SOX30: variants seen among roughly 807,000 people sequenced by gnomAD.
SOX30 encodes transcription factor SOX-30.
A neutral mutation model predicts 58.6 loss-of-function variants in SOX30; 17 were observed. The observed-to-expected ratio is 0.29, with a 90% confidence interval of 0.20 to 0.44. The LOEUF is 0.44. Among genes scored for constraint, SOX30 ranks in the 20% least tolerant of loss-of-function variants. The pLI is 1.00. For synonymous variants in SOX30, 421 were observed against 400.2 expected, an observed-to-expected ratio of 1.05 and a Z score of -0.62; for missense variants, 951 against 965.8, an observed-to-expected ratio of 0.98 and a Z score of 0.20.
intron 4 of SOX30, among the ~76,000 whole-genome samples, chr5:157,630,511 A>C (rs1410884175): frequency 1.3e-5 from 2 of 152,168 alleles, no homozygotes; most frequent in Non-Finnish European, 2.9e-5. Context: ...ATTTTTGTAA[A>C]GACCGTATTC....
chr5:157,661,844 G>T (rs752921403), intron 2 of SOX30, among the ~76,000 whole-genome samples: 1 of 151,856 alleles, frequency 6.6e-6, no homozygotes, highest in Admixed American at 6.6e-5. Context: ...TGATATCTTT[G>T]TCTGTGGCTT....
chr5:157,643,947 T>C (rs532061630), intron 3 of SOX30, among the ~76,000 whole-genome samples: 98 of 152,292 alleles, frequency 6.4e-4, no homozygotes, highest in African/African-American at 2.2e-3. Context: ...TACAGTGAAA[T>C]TTCCAAATTT....
intron 3 of SOX30, among the ~76,000 whole-genome samples, chr5:157,646,031 A>AC (rs1253039139): frequency 6.6e-6 from 1 of 151,718 alleles, no homozygotes; most frequent in African/African-American, 2.4e-5. Flanking sequence ...AAAAAAAAAA[A>AC]ACTGTTCTGG....
At chr5:157,650,295 G>A (rs1209992267) in intron 1 of SOX30, among the ~76,000 whole-genome samples, 1 of 151,778 alleles carries the variant, frequency 6.6e-6, no homozygotes, top group African/African-American at 2.4e-5. Flanking sequence ...GCAACAGGGT[G>A]GAGTGGAGAG....
intron 4 of SOX30, among the ~76,000 whole-genome samples, chr5:157,634,051 T>C (rs1758869334): frequency 6.6e-6 from 1 of 152,140 alleles, no homozygotes; most frequent in Non-Finnish European, 1.5e-5. Flanking sequence ...AATATGATGA[T>C]GGTTAAGATC....
chr5:157,656,488 G>A (rs1759474422), upstream of SOX30, among the ~76,000 whole-genome samples: 1 of 152,120 alleles, frequency 6.6e-6, no homozygotes, highest in Admixed American at 6.6e-5. Flanking sequence ...TAAGGCCTGG[G>A]GACATGTGAT....
chr5:157,664,082 G>T (rs1165722879), intron 2 of SOX30, among the ~76,000 whole-genome samples: 1 of 102,062 alleles, frequency 9.8e-6, no homozygotes, highest in Non-Finnish European at 1.8e-5. Flanking sequence ...TTTCTTCACA[G>T]AATTGGAAAA....
chr5:157,631,057 A>AG (rs1289447360), intron 4 of SOX30, among the ~76,000 whole-genome samples: 1 of 48,560 alleles, frequency 2.1e-5, no homozygotes, highest in Non-Finnish European at 4.1e-5. Context: ...TTATATATAT[A>AG]TATATATATA....
chr5:157,661,841 T>C (rs1235267543), intron 2 of SOX30, among the ~76,000 whole-genome samples: 1 of 152,188 alleles, frequency 6.6e-6, no homozygotes, highest in Non-Finnish European at 1.5e-5. Flanking sequence ...TTGTGATATC[T>C]TTGTCTGTGG....
At position 157,651,940 on chromosome 5, in the gene SOX30, C is replaced by A; in HGVS notation, c.139G>T (p.Ala47Ser). The A allele has an allele frequency of 6.7e-7, 1 of 1,493,272 alleles. No homozygotes were observed. The highest frequency in any genetic ancestry group is 8.9e-7 in the Non-Finnish European group (1 of 1,126,100). 92.5% of individuals were successfully genotyped at this position (1,493,272 alleles called of 1,614,324 possible). Residue 47 changes from alanine (A) to serine (S), a missense_variant, in exon 1 of 5, where the codon GCC (alanine) becomes TCC (serine). Ala to Ser is a moderately conservative substitution (Grantham distance 99). Transcript: ENST00000265007. The stretch of plus-strand genomic sequence containing the variant: ...CACGACGAGGCCAAGGTCGCACTGG[C>A]TGCCGCGCTCAGTGTGGGAGACGAC... ...PPSSPTLSAA[A>S]SATLASSCGE...
At chr5:157,636,110 C>G (rs1329675993) in intron 4 of SOX30, among the ~76,000 whole-genome samples, 2 of 152,078 alleles carry the variant, frequency 1.3e-5, no homozygotes, top group Non-Finnish European at 2.9e-5. Flanking sequence ...TCTCAAAACA[C>G]TAAAAAGAAG....
chr5:157,646,432 T>C (rs967086610), intron 3 of SOX30, among the ~76,000 whole-genome samples: 4 of 152,208 alleles, frequency 2.6e-5, no homozygotes, highest in African/African-American at 9.6e-5. Flanking sequence ...TACACATGGA[T>C]TATTTGCTAC....
intron 1 of SOX30, among the ~76,000 whole-genome samples, chr5:157,668,311 C>A (rs1183047327): frequency 1.3e-5 from 2 of 152,174 alleles, no homozygotes; most frequent in South Asian, 4.1e-4. Flanking sequence ...CAGGCAGGGG[C>A]AGTGATTTCA....
chr5:157,666,916 G>A (rs1759686557), intron 2 of SOX30, among the ~76,000 whole-genome samples: 2 of 151,994 alleles, frequency 1.3e-5, no homozygotes, highest in Non-Finnish European at 1.5e-5. Context: ...ATGTTGGCCA[G>A]GCTGGTCTCC....
At chr5:157,628,365 T>TCACACA (rs70984476) in intron 4 of SOX30, among the ~76,000 whole-genome samples, 5,102 of 139,638 alleles carry the variant, frequency 0.037, 103 homozygotes, top group Non-Finnish European at 0.048. Flanking sequence ...TTTCTGGCCT[T>TCACACA]CACACACACA....
In SOX30 at chr5:157,651,744, G is replaced by T. The variant is rs780031629; in HGVS notation, c.335C>A (p.Pro112Gln). 3.8e-6 allele frequency: 6 copies of T among 1,558,684 alleles called. No homozygotes were observed. The highest frequency in any genetic ancestry group is 5.2e-6 in the Non-Finnish European group (6 of 1,154,912). Reference sequence around the variant, plus strand: ...GGTGGCGCCGTCTGACGCTGTCGGCGGCTGCAGGAGCCGCAGGTCGGGCCT... The same window carrying T: ...GGTGGCGCCGTCTGACGCTGTCGGCTGCTGCAGGAGCCGCAGGTCGGGCCT... Reference protein sequence around the residue: ...QFRPDLRLLQPPTASDGATSR... With the variant: ...QFRPDLRLLQQPTASDGATSR... Residue 112 changes from proline (P) to glutamine (Q), a missense_variant, in exon 1 of 5, where the codon CCG (proline) becomes CAG (glutamine). This residue lies in a region of SOX30 where 363 missense variants were observed against 294.5 expected (regional missense o/e 1.23). Coordinates refer to ENST00000265007, the MANE Select transcript of SOX30 (RefSeq NM_178424.2).
At chr5:157,655,149 C>T (rs1482570908), upstream of SOX30, among the ~76,000 whole-genome samples, 2 of 152,062 alleles carry the variant, frequency 1.3e-5, no homozygotes, top group African/African-American at 4.8e-5. Flanking sequence ...GTGGTGAGGT[C>T]CTGTAACATC....
chr5:157,652,420 C>G lies in SOX30; in HGVS notation c.-342G>C, dbSNP rs765706498. On this transcript the variant is annotated 5_prime_UTR_variant, in exon 1 of 5. Transcript: ENST00000265007. ...CCGTTGTCTTTAGTCATCCCTCCCC[C>G]ACCCGGAGCTGCGACAATGGCGTTG... is the stretch of plus-strand genomic sequence containing the variant. 9 of 1,044,854 alleles carry G rather than the reference C, an allele frequency of 8.6e-6. No individual in the cohort carries two copies. The African/African-American group carries it at 1.0e-4, about 12-fold the overall frequency. 64.7% of individuals were successfully genotyped at this position (1,044,854 alleles called of 1,614,324 possible). A position where few individuals can be genotyped will look rare whatever the true frequency, so the allele number is the denominator to read the frequency against.
intron 4 of SOX30, among the ~76,000 whole-genome samples, chr5:157,637,002 G>C (rs145259655): frequency 6.6e-6 from 1 of 151,918 alleles, no homozygotes; most frequent in Non-Finnish European, 1.5e-5. Flanking sequence ...GCGTGGTGAC[G>C]CATGCCTGTA....
Sources: allele counts gnomAD v4.1 joint callset (sites outside exome capture counted in the v4.1 genomes callset), GRCh38; gene constraint gnomAD v4.1.1; regional missense constraint gnomAD v4.1.1; transcripts MANE v1.5; gene names NCBI Gene and HGNC (gene_info 2026-07-23, HGNC 2026-07-21).